The following ARHGAP32 variants were observed in gnomAD, a reference collection of about 807,000 sequenced individuals.
ARHGAP32 encodes rho GTPase-activating protein 32.
In ARHGAP32, 51 loss-of-function variants were observed where a neutral mutation model predicts 186.5. The observed-to-expected ratio is 0.27, with a 90% confidence interval of 0.22 to 0.35. The LOEUF is 0.35. Among genes scored for constraint, ARHGAP32 ranks in the 10% least tolerant of loss-of-function variants. The pLI, the probability that ARHGAP32 is intolerant of heterozygous loss-of-function variation, is 1.00. For missense variants in ARHGAP32, 2,186 were observed against 2,623.5 expected (o/e 0.83, Z 3.64); for synonymous variants, 950 against 964.3 (o/e 0.99, Z 0.27).
intron 1 of ARHGAP32, among the ~76,000 whole-genome samples, chr11:129,259,000 A>G (rs1247030224): frequency 1.3e-5 from 2 of 152,170 alleles, no homozygotes; most frequent in Non-Finnish European, 2.9e-5. Flanking sequence ...ATCATAACCT[A>G]TGAGCTAAAT....
chr11:129,124,004 A>G, intron 3 of ARHGAP32, 75 bp from the exon 4 acceptor site: 3 of 1,068,146 alleles, frequency 2.8e-6, no homozygotes, highest in Middle Eastern at 2.5e-4. Context: ...TAACTCTACT[A>G]AGTGAAAAGA....
intron 10 of ARHGAP32, among the ~76,000 whole-genome samples, chr11:129,053,635 T>C (rs1401567767): frequency 1.3e-5 from 2 of 152,206 alleles, no homozygotes; most frequent in Admixed American, 1.3e-4. Context: ...CTTTATGCTT[T>C]AGTTTCTTCA....
chr11:129,164,284 A>G, intron 2 of ARHGAP32, 35 bp downstream of exon 2: 1 of 1,208,244 alleles, frequency 8.3e-7, no homozygotes. Context: ...ATACATATAT[A>G]TGTATATATG....
chr11:129,173,387 G>A (rs1454170231), intron 1 of ARHGAP32, among the ~76,000 whole-genome samples: 2 of 150,336 alleles, frequency 1.3e-5, no homozygotes, highest in African/African-American at 4.9e-5. Flanking sequence ...TTTTACCAGA[G>A]GTACAAAGAG....
chr11:129,216,871 C>T (rs1444878598), intron 1 of ARHGAP32, among the ~76,000 whole-genome samples: 3 of 151,752 alleles, frequency 2.0e-5, no homozygotes, highest in African/African-American at 7.3e-5. Context: ...TTTTATTCCA[C>T]CTCAACTATT....
upstream of ARHGAP32, among the ~76,000 whole-genome samples, chr11:129,193,717 T>TATATAA (rs1178628538): frequency 3.0e-4 from 13 of 43,810 alleles, no homozygotes; most frequent in Non-Finnish European, 5.4e-4. Context: ...ATATTATATA[T>TATATAA]TATATATTAT....
chr11:129,247,766 T>C (rs921178417), intron 1 of ARHGAP32, among the ~76,000 whole-genome samples: 1 of 152,248 alleles, frequency 6.6e-6, no homozygotes, highest in Non-Finnish European at 1.5e-5. Context: ...GAATAAAATA[T>C]ATGTTTTCAA....
chr11:129,077,193 G>A (rs1285511183), intron 6 of ARHGAP32, among the ~76,000 whole-genome samples: 1 of 152,166 alleles, frequency 6.6e-6, no homozygotes, highest in African/African-American at 2.4e-5. Flanking sequence ...GGATGCCAGT[G>A]GAACTGGGGA....
chr11:129,020,461 C>G (rs1210532021), intron 11 of ARHGAP32, among the ~76,000 whole-genome samples: 2 of 151,978 alleles, frequency 1.3e-5, no homozygotes, highest in African/African-American at 2.4e-5. Context: ...ATATGGTATA[C>G]TGTTGTTTAC....
At chr11:129,212,820 T>A (rs1757078856) in intron 1 of ARHGAP32, among the ~76,000 whole-genome samples, 1 of 151,932 alleles carries the variant, frequency 6.6e-6, no homozygotes, top group Non-Finnish European at 1.5e-5. Context: ...ATGTACCCCA[T>A]AAACATGTAC....
intron 1 of ARHGAP32, among the ~76,000 whole-genome samples, chr11:129,228,566 A>G (rs538601943): frequency 6.6e-6 from 1 of 152,202 alleles, no homozygotes; most frequent in South Asian, 2.1e-4. Context: ...AGGGACATAG[A>G]TGGAGCTGGA....
At chr11:129,046,826 TAA>T (rs35702756) in intron 10 of ARHGAP32, among the ~76,000 whole-genome samples, 1 of 148,518 alleles carries the variant, frequency 6.7e-6, no homozygotes, top group Non-Finnish European at 1.5e-5. Flanking sequence ...ATCGCTGACT[TAA>T]AAAAAAAAAT....
At chr11:129,017,680 C>A (rs2134870638) in intron 11 of ARHGAP32, among the ~76,000 whole-genome samples, 1 of 152,222 alleles carries the variant, frequency 6.6e-6, no homozygotes, top group East Asian at 1.9e-4. Flanking sequence ...TATAAATCTG[C>A]AAATAATACA....
chr11:129,265,873 C>T (rs900494318), intron 1 of ARHGAP32, among the ~76,000 whole-genome samples: 2 of 152,092 alleles, frequency 1.3e-5, no homozygotes, highest in Admixed American at 6.5e-5. Context: ...ACTGTAGTAA[C>T]TAAATATAAT....
rs756474469 is a variant in ARHGAP32 at position 128,969,216 on chromosome 11, C to T, written c.5997G>A (p.Arg1999=). The change falls in exon 23 of 23, where the codon AGG becomes AGA. Residue 1999 remains arginine, a synonymous_variant. Coordinates refer to ENST00000682385, the MANE Select transcript of ARHGAP32 (RefSeq NM_001378024.1). This position sits in a 1 kb window ranked among gnomAD's most constrained non-coding sequence, Gnocchi z 4.8. ...QSIVPPPKPE[R]SHSLKLHHTQ... is the part of the protein sequence containing the mutation. ...TATGATGGAGTTTGAGGCTATGACT[C>T]CTCTCTGGTTTAGGGGGTGGGACGA... The T allele has an allele frequency of 6.2e-7, 1 of 1,614,042 alleles. No homozygotes were observed. The highest frequency in any genetic ancestry group is 1.1e-5 in the South Asian group (1 of 91,042).
intron 1 of ARHGAP32, among the ~76,000 whole-genome samples, chr11:129,180,190 A>G (rs1944024254): frequency 1.3e-5 from 2 of 152,170 alleles, no homozygotes; most frequent in African/African-American, 4.8e-5. Context: ...TACTACTCAT[A>G]AATAAAAAGG....
chr11:129,179,883 G>A (rs184160649), intron 1 of ARHGAP32, among the ~76,000 whole-genome samples: 163 of 152,070 alleles, frequency 1.1e-3, no homozygotes, highest in Admixed American at 1.8e-3. Flanking sequence ...AGCATGGCAC[G>A]TGTATACGTA....
At chr11:128,995,448 G>A (rs994485802) in intron 12 of ARHGAP32, among the ~76,000 whole-genome samples, 4 of 152,158 alleles carry the variant, frequency 2.6e-5, no homozygotes, top group South Asian at 2.1e-4. Flanking sequence ...GGCCTCCAGC[G>A]ATCCTCCTAC....
intron 5 of ARHGAP32, among the ~76,000 whole-genome samples, chr11:129,118,532 AT>A (rs1384655976): frequency 6.6e-6 from 1 of 152,014 alleles, no homozygotes; most frequent in Non-Finnish European, 1.5e-5. Flanking sequence ...TAAATGAACA[AT>A]TTTTAAGAAA....
Sources: allele counts gnomAD v4.1 joint callset (sites outside exome capture counted in the v4.1 genomes callset), GRCh38; gene constraint gnomAD v4.1.1; non-coding constraint Gnocchi (gnomAD v3.1); transcripts MANE v1.5; gene names NCBI Gene and HGNC (gene_info 2026-07-23, HGNC 2026-07-21).